The following MAN1C1 variants were observed in gnomAD, a reference collection of about 807,000 sequenced individuals.
MAN1C1 encodes the protein mannosyl-oligosaccharide 1,2-alpha-mannosidase IC.
A neutral mutation model predicts 71.5 loss-of-function variants in MAN1C1; 49 were observed. The ratio of observed to expected loss-of-function variants is 0.69; its 90% CI spans 0.54 to 0.87. The LOEUF (loss-of-function observed/expected upper bound fraction) is 0.87. MAN1C1 is among the 40% of genes least tolerant of loss of function. The pLI, the probability that MAN1C1 is intolerant of heterozygous loss-of-function variation, is 0.00. For missense variants in MAN1C1, 743 were observed against 835.0 expected (o/e 0.89, Z 1.36); for synonymous variants, 352 against 343.7 (o/e 1.02, Z -0.27).
chr1:25,701,148 A>G (rs2046436899), intron 2 of MAN1C1, among the ~76,000 whole-genome samples: 1 of 152,248 alleles, frequency 6.6e-6, no homozygotes, highest in Admixed American at 6.5e-5. Flanking sequence ...CAAAGGCACC[A>G]TTGCCGGGAC....
intron 8 of MAN1C1, 85 bp downstream of exon 8, chr1:25,771,857 G>A (rs1231052905): frequency 9.9e-6 from 10 of 1,008,782 alleles, no homozygotes; most frequent in African/African-American, 1.6e-5. Flanking sequence ...TGCGGGCAGC[G>A]GGGCCAGATG....
chr1:25,781,330 G>A (rs2047691810), intron 10 of MAN1C1: 1 of 544,272 alleles, frequency 1.8e-6, no homozygotes, highest in African/African-American at 1.9e-5. Context: ...GACTTGTGAA[G>A]AGGGTTCTGA....
chr1:25,714,421 G>C (rs1165374336), intron 2 of MAN1C1, among the ~76,000 whole-genome samples: 1 of 152,166 alleles, frequency 6.6e-6, no homozygotes, highest in Non-Finnish European at 1.5e-5. Flanking sequence ...TCTTATTCAT[G>C]AATAAAAATG....
intron 2 of MAN1C1, among the ~76,000 whole-genome samples, chr1:25,740,715 C>T (rs1054125584): frequency 3.3e-5 from 5 of 152,128 alleles, no homozygotes; most frequent in Non-Finnish European, 5.9e-5. Flanking sequence ...GGATTACAGG[C>T]GTGAGCCACC....
chr1:25,712,011 C>T (rs1200139843), intron 2 of MAN1C1, among the ~76,000 whole-genome samples: 2 of 152,124 alleles, frequency 1.3e-5, no homozygotes, highest in African/African-American at 2.4e-5. Context: ...ACAGAGGAGG[C>T]GACAAGACCA....
rs559789541 is a variant in MAN1C1 at position 25,704,102 on chromosome 1, C to T, written c.637+17566C>T. On this transcript the variant is annotated intron_variant, in intron 2 of 11. Transcript: ENST00000374332. ...TCCTCGTCTCCCTGATCAATAGCAA[C>T]CAGCCAGGAAAGCAGTCCCGCAGTG... 1.2e-4 allele frequency among the ~76,000 whole-genome samples: 18 copies of T among 152,298 alleles called. No individual in the cohort carries two copies. In the South Asian group the frequency reaches 3.7e-3, roughly 32 times the overall value.
rs1010242305 is a variant in MAN1C1, at chr1:25,622,109, C to G, written c.540+3772C>G. ...CTCCTTCCTCTGGTTAGGTGCAGCA[C>G]CAGCATCACTCCAGAGTGCAGGGCT... On this transcript the variant is annotated intron_variant, in intron 1 of 11. Transcript: ENST00000374332. Among the ~76,000 whole-genome samples the G allele has an allele frequency of 2.6e-5, 4 of 152,308 alleles. No homozygotes were observed. In the South Asian group the frequency reaches 8.3e-4, roughly 32 times the overall value.
At chr1:25,625,545 A>G (rs1245036839) in intron 1 of MAN1C1, among the ~76,000 whole-genome samples, 1 of 152,120 alleles carries the variant, frequency 6.6e-6, no homozygotes, top group Non-Finnish European at 1.5e-5. Context: ...GCCAGGTACA[A>G]TGGCTCATGC....
chr1:25,618,366 A>G (rs989605180), intron 1 of MAN1C1, 29 bp downstream of exon 1: 4 of 1,575,094 alleles, frequency 2.5e-6, no homozygotes, highest in Non-Finnish European at 1.7e-6. Context: ...AACTCCTCCC[A>G]CCAACTGCCC....
rs112257712 is a variant in MAN1C1, at chr1:25,711,799, G to A, written c.637+25263G>A. Among the ~76,000 whole-genome samples, 1 of 152,172 alleles carries A rather than the reference G, an allele frequency of 6.6e-6. No homozygotes were observed. The highest frequency in any genetic ancestry group is 2.1e-4 in the South Asian group (1 of 4,824). ...GTCTTTGCAAGCCGTGCTGTCCTGT[G>A]TGTGAAAGAGGATACTTTCTTTATT... On this transcript the variant is annotated intron_variant, in intron 2 of 11. Transcript: ENST00000374332. The surrounding 1 kb of genome is among the most constrained non-coding windows in gnomAD (Gnocchi z 4.3).
intron 2 of MAN1C1, among the ~76,000 whole-genome samples, chr1:25,692,176 G>A (rs528197440): frequency 6.6e-6 from 1 of 152,274 alleles, no homozygotes; most frequent in Non-Finnish European, 1.5e-5. Context: ...TCTTTGCGCC[G>A]CACACTCTGA....
chr1:25,679,582 A>G (rs991274642), intron 1 of MAN1C1, among the ~76,000 whole-genome samples: 2 of 150,550 alleles, frequency 1.3e-5, no homozygotes, highest in Non-Finnish European at 2.9e-5. Flanking sequence ...AAGGCATTTC[A>G]GACTTACGGA....
chr1:25,671,852 C>T (rs2045997072), intron 1 of MAN1C1, among the ~76,000 whole-genome samples: 2 of 152,310 alleles, frequency 1.3e-5, no homozygotes, highest in South Asian at 4.1e-4. Context: ...TGCTGCATTC[C>T]TTTCTGGAGG....
chr1:25,737,405 C>A (rs7529365), intron 2 of MAN1C1, among the ~76,000 whole-genome samples: 1 of 152,224 alleles, frequency 6.6e-6, no homozygotes, highest in Non-Finnish European at 1.5e-5. Flanking sequence ...ATTTCGCCCC[C>A]CCGACAGGGA....
At chr1:25,701,964 G>A (rs1309608732) in intron 2 of MAN1C1, among the ~76,000 whole-genome samples, 1 of 152,194 alleles carries the variant, frequency 6.6e-6, no homozygotes, top group Non-Finnish European at 1.5e-5. Flanking sequence ...GGAGGCTGAG[G>A]CAGGAGAATC....
chr1:25,731,855 G>A (rs1255443504), intron 2 of MAN1C1, among the ~76,000 whole-genome samples: 4 of 152,146 alleles, frequency 2.6e-5, no homozygotes, highest in East Asian at 1.9e-4. Flanking sequence ...GTGTGCTCTC[G>A]GCTCCTGCTC....
intron 1 of MAN1C1, among the ~76,000 whole-genome samples, chr1:25,637,842 G>A (rs906773563): frequency 2.0e-5 from 3 of 151,870 alleles, no homozygotes; most frequent in Non-Finnish European, 2.9e-5. Context: ...TATTTTACCT[G>A]ATTGATATAG....
At chr1:25,771,486 G>A (rs1557802318) in intron 7 of MAN1C1, among the ~76,000 whole-genome samples, 171 bp from the exon 8 acceptor site, 2 of 152,226 alleles carry the variant, frequency 1.3e-5, no homozygotes, top group Non-Finnish European at 2.9e-5. Flanking sequence ...CCAAGTCGCA[G>A]GCTGTGTCTG....
intron 7 of MAN1C1, among the ~76,000 whole-genome samples, chr1:25,766,534 T>TTAGGA (rs989024829): frequency 2.0e-5 from 3 of 151,908 alleles, no homozygotes; most frequent in Non-Finnish European, 4.4e-5. Context: ...GAAGGAGGAG[T>TTAGGA]TAGGACTGCA....
Sources: gnomAD v4.1 joint callset for allele counts (sites outside exome capture counted in the v4.1 genomes callset) on GRCh38, gnomAD v4.1.1 for gene constraint, Gnocchi (gnomAD v3.1) non-coding constraint, MANE v1.5 for transcripts, NCBI Gene and HGNC (gene_info 2026-07-23, HGNC 2026-07-21) for gene names.